SP7: variants seen among roughly 807,000 people sequenced by gnomAD.
The protein encoded by SP7 is Sp7 transcription factor, also known as transcription factor Sp7.
Under a neutral mutation model 27.9 loss-of-function variants are expected in SP7, and 13 were observed. That is an observed-to-expected ratio of 0.47 (90% CI 0.30 to 0.74). SP7 has a LOEUF of 0.74. Ranked by LOEUF, SP7 falls within the 30% of genes least tolerant of loss-of-function variation. The pLI, the probability that SP7 is intolerant of heterozygous loss-of-function variation, is 0.06. For missense variants in SP7, 525 were observed against 558.0 expected (o/e 0.94, Z 0.60); for synonymous variants, 219 against 226.7 (o/e 0.97, Z 0.31).
chr12:53,333,696 GCCGAGGTGAGCC>G (rs1565792413), intron 2 of SP7, among the ~76,000 whole-genome samples: 1 of 91,102 alleles, frequency 1.1e-5, no homozygotes, highest in Non-Finnish European at 2.4e-5. Flanking sequence ...ATCTCACTTG[GCCGAGGTGAGCC>G]CCCCATCAAG....
chr12:53,340,664 C>T (rs1252472689), upstream of SP7, among the ~76,000 whole-genome samples: 1 of 152,180 alleles, frequency 6.6e-6, no homozygotes, highest in African/African-American at 2.4e-5. Context: ...TGTCCCGGGC[C>T]CCTGGTCTGG....
In SP7 at chr12:53,326,842, C is replaced by G. The variant is rs923615970; in HGVS notation, c.*1304G>C. On this transcript the variant is annotated 3_prime_UTR_variant, in exon 3 of 3. Coordinates refer to ENST00000536324, the MANE Select transcript of SP7 (RefSeq NM_001173467.3). ...TGCACCACCAGATCAGCTTGGGGGC[C>G]TCTGTCCTCCTAGCTCTTTAAGTTC... The G allele has an allele frequency of 6.6e-6, 1 of 152,372 alleles. No individual in the cohort carries two copies. The highest frequency in any genetic ancestry group is 2.4e-5 in the African/African-American group (1 of 41,466). 9.4% of individuals were successfully genotyped at this position (152,372 alleles called of 1,614,324 possible).
At position 53,344,323 on chromosome 12, in the gene SP7, C is replaced by A. The variant is rs1346074848; in HGVS notation, c.-34+791G>T. ...CCTGGCCCTCAGTCTCCCAGAAGAA[C>A]CCCCGCCTCTGCCCTCTGCCCCAAT... is the stretch of plus-strand genomic sequence containing the variant. On this transcript the variant is annotated intron_variant, in intron 1 of 1. Coordinates refer to the SP7 transcript ENST00000547755. The surrounding 1 kb of genome is among the most constrained non-coding windows in gnomAD (Gnocchi z 4.6). 1.3e-5 allele frequency among the ~76,000 whole-genome samples: 2 copies of A among 151,996 alleles called. No homozygotes were observed. The highest frequency in any genetic ancestry group is 4.8e-5 in the African/African-American group (2 of 41,352).
upstream of SP7, among the ~76,000 whole-genome samples, chr12:53,338,487 CAGATT>C (rs990384657): frequency 6.6e-6 from 1 of 151,814 alleles, no homozygotes; most frequent in African/African-American, 2.4e-5. Context: ...GGTTGGGACT[CAGATT>C]AGATGAGAGA....
rs779739166 is a variant in SP7 at position 53,329,202 on chromosome 12, A to G, written c.240T>C (p.Ser80=). ...CATAGCCTGAGGTGGGTGCTGGAGGACTGCCTGCAGGTGAAAGGAGCCCAT... is the reference window on the plus strand; with the variant it reads ...CATAGCCTGAGGTGGGTGCTGGAGGGCTGCCTGCAGGTGAAAGGAGCCCAT... ...STNGLLSPAG[S]PPAPTSGYAN... The change falls in exon 3 of 3, where the codon AGT becomes AGC. Residue 80 remains serine, a synonymous_variant. Coordinates refer to ENST00000536324, the MANE Select transcript of SP7 (RefSeq NM_001173467.3). 1 of 1,613,794 alleles carries G rather than the reference A, an allele frequency of 6.2e-7. No homozygotes were observed.
chr12:53,331,079 C>T (rs1944698049), intron 2 of SP7, among the ~76,000 whole-genome samples: 1 of 152,242 alleles, frequency 6.6e-6, no homozygotes. Context: ...CCCACAGCCA[C>T]ACTGCTTCAT....
At chr12:53,329,467 C>CA in intron 2 of SP7, 47 bp from the exon 3 acceptor site, 1 of 1,550,562 alleles carries the variant, frequency 6.4e-7, no homozygotes, top group Non-Finnish European at 8.9e-7. Context: ...AGGAGAGGTA[C>CA]AAAATGAAGG....
At chr12:53,337,924 TAA>T (rs1944785988), upstream of SP7, among the ~76,000 whole-genome samples, 1 of 151,684 alleles carries the variant, frequency 6.6e-6, no homozygotes, top group African/African-American at 2.4e-5. Flanking sequence ...TCACCAGGTA[TAA>T]GAGAGAGGAA....
At chr12:53,339,725 C>CA (rs1396632595), upstream of SP7, among the ~76,000 whole-genome samples, 2,279 of 65,200 alleles carry the variant, frequency 0.035, 26 homozygotes, top group African/African-American at 0.065. Flanking sequence ...AACTCCATCT[C>CA]AAAAAAAAAA....
intron 2 of SP7, 67 bp from the exon 3 acceptor site, chr12:53,329,487 T>C (rs1056594227): frequency 1.4e-6 from 2 of 1,387,698 alleles, no homozygotes; most frequent in Non-Finnish European, 2.0e-6. Context: ...GGCAACACTT[T>C]AGGACTGAGA....
In SP7 at chr12:53,329,235, T is replaced by C; in HGVS notation, c.207A>G (p.Thr69=). The C allele has an allele frequency of 6.2e-7, 1 of 1,613,742 alleles. No individual in the cohort carries two copies. The highest frequency in any genetic ancestry group is 8.5e-7 in the Non-Finnish European group (1 of 1,179,876). Residue 69 remains threonine (T), a synonymous_variant, in exon 3 of 3, where the codon ACA becomes ACG. Transcript: ENST00000536324. ...TMGDAYPAPF[T]STNGLLSPAG... ...CAGGTGAAAGGAGCCCATTAGTGCT[T>C]GTAAAGGGGGCTGGATAAGCATCCC...
chr12:53,328,603 C>G lies in SP7; in HGVS notation c.839G>C (p.Arg280Pro). 1.2e-6 allele frequency: 2 copies of G among 1,609,118 alleles called. No individual in the cohort carries two copies. The highest frequency in any genetic ancestry group is 4.5e-5 in the East Asian group (2 of 44,734). Residue 280 changes from arginine (R) to proline (P), a missense_variant, in exon 3 of 3, where the codon CGG (arginine) becomes CCG (proline). Coordinates refer to ENST00000536324, the MANE Select transcript of SP7 (RefSeq NM_001173467.3). The surrounding 1 kb of genome is among the most constrained non-coding windows in gnomAD (Gnocchi z 5.1). ...CDCPNCQELERLGAAAAGLRK... is the reference protein window; with the variant it reads ...CDCPNCQELEPLGAAAAGLRK... ...CAGCCCAGCCGCTGCTGCTCCCAGC[C>G]GCTCTAGCTCCTGGCAATTAGGGCA...
At chr12:53,337,006 G>C (rs1944778754), upstream of SP7, among the ~76,000 whole-genome samples, 1 of 152,130 alleles carries the variant, frequency 6.6e-6, no homozygotes, top group South Asian at 2.1e-4. Context: ...CTGATGAAGA[G>C]AAAATTTAAG....
chr12:53,335,902 T>G, intron 1 of SP7: 1 of 1,168,964 alleles, frequency 8.6e-7, no homozygotes, highest in Non-Finnish European at 1.1e-6. Flanking sequence ...GGGTCCAAAT[T>G]TCCTGCTCCA....
rs1313852063 is a variant in SP7, at chr12:53,328,854, G to A, written c.588C>T (p.Pro196=). 2 of 1,603,788 alleles carry A rather than the reference G, an allele frequency of 1.2e-6. No individual in the cohort carries two copies. Among genetic ancestry groups the A allele is most frequent in the Non-Finnish European group, 1.7e-6 (2 of 1,172,656 alleles). ...PAQPPLNPQL[P]TYPSDFAPLN... ...GGGGAGCAAAGTCAGATGGGTAGGT[G>A]GGCAGCTGGGGGTTCAGTGGAGGCT... Residue 196 remains proline (P), a synonymous_variant, in exon 3 of 3, where the codon CCC becomes CCT. Transcript: ENST00000536324. This position sits in a 1 kb window ranked among gnomAD's most constrained non-coding sequence, Gnocchi z 5.1.
chr12:53,329,067 G>A lies in SP7; in HGVS notation c.375C>T (p.Val125=). 1 of 1,613,846 alleles carries A rather than the reference G, an allele frequency of 6.2e-7. No individual in the cohort carries two copies. Among genetic ancestry groups the A allele is most frequent in the South Asian group, 1.1e-5 (1 of 91,090 alleles). Residue 125 remains valine (V), a synonymous_variant, in exon 3 of 3, where the codon GTC becomes GTT. Transcript: ENST00000536324. Reference sequence around the variant, plus strand: ...GGTGTGTCATGTCCAGAGAGGTGTAGACACTGGGCAGACAGTCAGAAGAGC... The same window carrying A: ...GGTGTGTCATGTCCAGAGAGGTGTAAACACTGGGCAGACAGTCAGAAGAGC... ...GHSSSDCLPS[V]YTSLDMTHPY...
chr12:53,340,618 A>G (rs1463433022), upstream of SP7, among the ~76,000 whole-genome samples: 5 of 152,090 alleles, frequency 3.3e-5, no homozygotes, highest in African/African-American at 9.7e-5. Flanking sequence ...CCCCAACCAC[A>G]GGGGCCTGGA....
intron 1 of SP7, 87 bp downstream of exon 1, chr12:53,336,059 G>T: frequency 4.7e-6 from 1 of 214,950 alleles, no homozygotes; most frequent in Admixed American, 5.1e-5. Context: ...GAGGTTAAAG[G>T]GATGGTGGAC....
In SP7 at chr12:53,329,213, G is replaced by A. The variant is rs1346039260; in HGVS notation, c.229C>T (p.Pro77Ser). The change falls in exon 3 of 3, where the codon CCT becomes TCT. Residue 77 changes from proline (P) to serine (S), a missense_variant. By Grantham distance (74) the Pro-to-Ser change is moderately conservative (BLOSUM62 -1). Transcript: ENST00000536324. ...PFTSTNGLLSPAGSPPAPTSG... is the reference protein window; with the variant it reads ...PFTSTNGLLSSAGSPPAPTSG... ...GTGGGTGCTGGAGGACTGCCTGCAGGTGAAAGGAGCCCATTAGTGCTTGTA... is the reference window on the plus strand; with the variant it reads ...GTGGGTGCTGGAGGACTGCCTGCAGATGAAAGGAGCCCATTAGTGCTTGTA... The A allele has an allele frequency of 6.2e-7, 1 of 1,613,684 alleles. No homozygotes were observed. The highest frequency in any genetic ancestry group is 8.5e-7 in the Non-Finnish European group (1 of 1,179,888).
Sources: allele counts gnomAD v4.1 joint callset (sites outside exome capture counted in the v4.1 genomes callset), GRCh38; gene constraint gnomAD v4.1.1; non-coding constraint Gnocchi (gnomAD v3.1); transcripts MANE v1.5; gene names NCBI Gene and HGNC (gene_info 2026-07-23, HGNC 2026-07-21).